FRMD6: variants seen among roughly 807,000 people sequenced by gnomAD.
The protein encoded by FRMD6 is FERM domain containing 6.
A neutral mutation model predicts 73.2 loss-of-function variants in FRMD6; 37 were observed. The observed-to-expected ratio is 0.51, with a 90% CI of 0.39 to 0.66. The LOEUF (loss-of-function observed/expected upper bound fraction) is 0.66, where lower values mean the gene tolerates loss of function less well. FRMD6 is among the 30% of genes least tolerant of loss of function. The probability of loss-of-function intolerance (pLI) is 0.00; values close to 1 mark genes in which losing one functional copy is unlikely to be tolerated. For synonymous variants in FRMD6, 273 were observed against 282.2 expected, an observed-to-expected ratio of 0.97 and a Z score of 0.33; for missense variants, 714 against 780.5, an observed-to-expected ratio of 0.91 and a Z score of 1.02.
intron 6 of FRMD6, among the ~76,000 whole-genome samples, chr14:51,705,780 A>G (rs1896590853): frequency 6.6e-6 from 1 of 152,064 alleles, no homozygotes; most frequent in Admixed American, 6.6e-5. Flanking sequence ...GCTTTATATC[A>G]ATACAGTAAA....
intron 1 of FRMD6, among the ~76,000 whole-genome samples, chr14:51,672,641 T>C (rs1323282671): frequency 3.9e-5 from 6 of 152,198 alleles, no homozygotes; most frequent in Non-Finnish European, 7.4e-5. Flanking sequence ...TTATATTCTT[T>C]ATTTTTATCT....
At chr14:51,701,263 A>G (rs1753831180) in intron 4 of FRMD6, 104 bp downstream of exon 4, 1 of 498,800 alleles carries the variant, frequency 2.0e-6, no homozygotes, top group Non-Finnish European at 3.5e-6. Flanking sequence ...TTTATGTACT[A>G]TACTATATTT....
At chr14:51,420,451 T>C in the FRMD6 span, among the ~76,000 whole-genome samples, 4 of 152,246 alleles carry the variant, frequency 2.6e-5, no homozygotes, top group Non-Finnish European at 4.4e-5. Flanking sequence ...TGATAACTTT[T>C]AAGTTAGACA....
chr14:51,454,298 T>C, the FRMD6 span, among the ~76,000 whole-genome samples: 1 of 152,260 alleles, frequency 6.6e-6, no homozygotes, highest in Non-Finnish European at 1.5e-5. Context: ...AAGCAATGTA[T>C]GTCCTTTGTA....
At chr14:51,611,200 C>T (rs1047303444) in intron 2 of FRMD6, among the ~76,000 whole-genome samples, 4 of 152,060 alleles carry the variant, frequency 2.6e-5, no homozygotes, top group African/African-American at 9.7e-5. Context: ...GAAAGGAAAA[C>T]ACGAATGGGA....
At chr14:51,518,434 A>T (rs1020141816) in intron 1 of FRMD6, among the ~76,000 whole-genome samples, 16 of 152,196 alleles carry the variant, frequency 1.1e-4, no homozygotes, top group African/African-American at 3.9e-4. Flanking sequence ...CTTGGGCAAG[A>T]CATTTATATT....
the FRMD6 span, among the ~76,000 whole-genome samples, chr14:51,439,672 GCCTGCTGCCACTCTGACTTGC>G: frequency 6.6e-6 from 1 of 152,180 alleles, no homozygotes; most frequent in East Asian, 1.9e-4. Flanking sequence ...GGTTCAGACT[GCCTGCTGCCACTCTGACTTGC>G]CCTCCAGCAC....
At chr14:51,602,590 A>G (rs906313429) in intron 2 of FRMD6, among the ~76,000 whole-genome samples, 1 of 152,200 alleles carries the variant, frequency 6.6e-6, no homozygotes, top group South Asian at 2.1e-4. Flanking sequence ...TGGATTGTCT[A>G]TGGCTGCTTT....
intron 1 of FRMD6, among the ~76,000 whole-genome samples, chr14:51,490,505 A>C (rs1315573577): frequency 6.6e-6 from 1 of 152,122 alleles, no homozygotes. Flanking sequence ...TTGTTCTGGA[A>C]ACATTAATCA....
chr14:51,405,735 C>T, the FRMD6 span, among the ~76,000 whole-genome samples: 1 of 152,086 alleles, frequency 6.6e-6, no homozygotes, highest in Admixed American at 6.6e-5. Context: ...GGATGTTAGA[C>T]CTTTTCCAGA....
chr14:51,647,411 C>T (rs1382177423), upstream of FRMD6, among the ~76,000 whole-genome samples: 7 of 152,164 alleles, frequency 4.6e-5, no homozygotes, highest in East Asian at 9.6e-4. Context: ...ATTAAAGTCT[C>T]TTTGGGTACT....
chr14:51,440,431 A>C, the FRMD6 span, among the ~76,000 whole-genome samples: 1 of 152,208 alleles, frequency 6.6e-6, no homozygotes, highest in East Asian at 1.9e-4. Flanking sequence ...TGGTTATGTA[A>C]AGCTGGAATG....
intron 2 of FRMD6, among the ~76,000 whole-genome samples, chr14:51,636,072 G>A (rs1382804474): frequency 6.6e-6 from 1 of 152,220 alleles, no homozygotes. Context: ...TTCTTAGGGA[G>A]AAACATTTAA....
At chr14:51,711,359 C>T (rs906185717) in intron 7 of FRMD6, among the ~76,000 whole-genome samples, 172 bp from the exon 8 acceptor site, 6 of 152,114 alleles carry the variant, frequency 3.9e-5, no homozygotes, top group African/African-American at 1.4e-4. Context: ...CCATGGTTTT[C>T]TTAATTCTTG....
At chr14:51,653,041 T>G (rs1178108659) in intron 1 of FRMD6, among the ~76,000 whole-genome samples, 1 of 152,350 alleles carries the variant, frequency 6.6e-6, no homozygotes, top group East Asian at 1.9e-4. Flanking sequence ...TTTTATTTTT[T>G]TACGCAAAAT....
intron 1 of FRMD6, among the ~76,000 whole-genome samples, chr14:51,532,106 C>T (rs146262555): frequency 5.3e-5 from 8 of 152,122 alleles, no homozygotes; most frequent in African/African-American, 1.4e-4. Context: ...TGGTGGCTCA[C>T]GCCTATAATC....
chr14:51,415,671 A>G, the FRMD6 span, among the ~76,000 whole-genome samples: 4 of 152,230 alleles, frequency 2.6e-5, no homozygotes, highest in East Asian at 5.8e-4. Context: ...GCCTCATAAA[A>G]TGAGTTAGGG....
intron 1 of FRMD6, among the ~76,000 whole-genome samples, chr14:51,664,761 A>G (rs1029782863): frequency 6.6e-6 from 1 of 152,108 alleles, no homozygotes; most frequent in Non-Finnish European, 1.5e-5. Context: ...TCTCTTAGGT[A>G]CTGCTTTGCC....
Position 51,697,947 on chromosome 14 carries a change from A to G in FRMD6, c.100-195A>G, listed in dbSNP as rs188772905. ...GTCTTGTACTTTATTACCATGTTGT[A>G]AAAACTGGTACTGTGATCATCATTA... On this transcript the variant is annotated intron_variant, in intron 2 of 13. Coordinates refer to ENST00000344768, the MANE Select transcript of FRMD6 (RefSeq NM_001267046.2). 5.0e-3 allele frequency: 2,434 copies of G among 482,608 alleles called. 17 individuals are homozygous for G. The highest frequency in any genetic ancestry group is 7.6e-3 in the Non-Finnish European group (2,021 of 264,450). 29.9% of individuals were successfully genotyped at this position (482,608 alleles called of 1,614,324 possible). A position where few individuals can be genotyped will look rare whatever the true frequency, so the allele number is the denominator to read the frequency against.
Sources: allele counts gnomAD v4.1 joint callset (sites outside exome capture counted in the v4.1 genomes callset), GRCh38; gene constraint gnomAD v4.1.1; transcripts MANE v1.5; gene names NCBI Gene and HGNC (gene_info 2026-07-23, HGNC 2026-07-21).